The following SND1 variants were observed in gnomAD, a reference collection of about 807,000 sequenced individuals.
SND1 encodes the protein staphylococcal nuclease and tudor domain containing 1.
SND1 carries 38 observed loss-of-function variants against 121.7 expected under a neutral mutation model. The observed-to-expected ratio is 0.31, with a 90% confidence interval of 0.24 to 0.41. The LOEUF (loss-of-function observed/expected upper bound fraction) is 0.41. Among genes scored for constraint, SND1 ranks in the 10% least tolerant of loss-of-function variants. The pLI, the probability that SND1 is intolerant of heterozygous loss-of-function variation, is 1.00. For synonymous variants in SND1, 401 were observed against 447.4 expected, an observed-to-expected ratio of 0.90 and a Z score of 1.31; for missense variants, 868 against 1,184.6, an observed-to-expected ratio of 0.73 and a Z score of 3.92.
intron 2 of SND1, among the ~76,000 whole-genome samples, chr7:127,693,576 C>A (rs1463809953): frequency 6.6e-6 from 1 of 152,164 alleles, no homozygotes. Context: ...TGGGTGACTT[C>A]ATGGAATAAT....
chr7:127,846,966 T>C (rs1799075444), intron 12 of SND1, among the ~76,000 whole-genome samples: 1 of 152,112 alleles, frequency 6.6e-6, no homozygotes, highest in Admixed American at 6.5e-5. Flanking sequence ...TTCTGAATTT[T>C]CTATATTTTA....
intron 16 of SND1, among the ~76,000 whole-genome samples, chr7:128,033,271 AC>A (rs1055685878): frequency 6.6e-5 from 10 of 151,156 alleles, no homozygotes; most frequent in African/African-American, 2.0e-4. Flanking sequence ...GCTTTTTCCC[AC>A]CCCCCTGAAA....
In SND1 at chr7:127,664,811, G is replaced by A. The variant is rs189513681; in HGVS notation, c.78+12360G>A. 1.0e-3 allele frequency among the ~76,000 whole-genome samples: 153 copies of A among 152,280 alleles called. 1 individual carries two copies. The highest frequency in any genetic ancestry group is 2.0e-3 in the Non-Finnish European group (133 of 68,022). On this transcript the variant is annotated intron_variant, in intron 1 of 23. Transcript: ENST00000354725. ...GACAGTGTCTGAATTGAATTGAATTGTAGAACACCCAGTTGGTGTCTGCAG... is the reference window on the plus strand; with the variant it reads ...GACAGTGTCTGAATTGAATTGAATTATAGAACACCCAGTTGGTGTCTGCAG...
chr7:127,871,611 G>A (rs1445512744), intron 12 of SND1, among the ~76,000 whole-genome samples: 1 of 152,166 alleles, frequency 6.6e-6, no homozygotes, highest in Non-Finnish European at 1.5e-5. Context: ...TCAGTGATAA[G>A]TTGCAGAAAA....
rs368378529 is a variant in SND1 at position 128,092,459 on chromosome 7, C to T, written c.*401C>T. 9 of 216,140 alleles carry T rather than the reference C, an allele frequency of 4.2e-5. No homozygotes were observed. In the South Asian group the frequency reaches 1.1e-3, roughly 26 times the overall value. 13.4% of individuals were successfully genotyped at this position (216,140 alleles called of 1,614,324 possible). ...CCCAGACTGCCCTCGTCCCAGCTCTCTGTCCAACTGTTGATTATGTGATTT... is the reference window on the plus strand; with the variant it reads ...CCCAGACTGCCCTCGTCCCAGCTCTTTGTCCAACTGTTGATTATGTGATTT... On this transcript the variant is annotated 3_prime_UTR_variant, in exon 24 of 24. Coordinates refer to ENST00000354725, the MANE Select transcript of SND1 (RefSeq NM_014390.4). The surrounding 1 kb of genome is among the most constrained non-coding windows in gnomAD (Gnocchi z 4.9).
intron 10 of SND1, among the ~76,000 whole-genome samples, chr7:127,762,190 G>T (rs1797316966): frequency 6.6e-6 from 1 of 152,152 alleles, no homozygotes; most frequent in South Asian, 2.1e-4. Context: ...AATGTCCTCA[G>T]GGCTCAGATT....
intron 16 of SND1, among the ~76,000 whole-genome samples, chr7:128,034,011 C>T (rs1022635419): frequency 1.3e-5 from 2 of 152,188 alleles, no homozygotes; most frequent in Non-Finnish European, 2.9e-5. Flanking sequence ...CCACACTTGT[C>T]TCCATTTCAC....
chr7:127,800,871 A>G (rs1247281492), intron 10 of SND1, among the ~76,000 whole-genome samples: 2 of 152,190 alleles, frequency 1.3e-5, no homozygotes, highest in East Asian at 1.9e-4. Flanking sequence ...ACATAGCTCT[A>G]TGAATAATAT....
intron 2 of SND1, among the ~76,000 whole-genome samples, chr7:127,690,792 A>G (rs1240249885): frequency 2.0e-5 from 3 of 152,210 alleles, no homozygotes; most frequent in Non-Finnish European, 2.9e-5. Context: ...TCTTTGGAGC[A>G]TGTTTAGCTT....
At chr7:127,810,254 TG>T (rs1798311142) in intron 11 of SND1, among the ~76,000 whole-genome samples, 1 of 152,200 alleles carries the variant, frequency 6.6e-6, no homozygotes, top group African/African-American at 2.4e-5. Context: ...TTTAATTAGA[TG>T]TGCATGAGGG....
At chr7:127,819,698 G>A (rs1240203447) in intron 11 of SND1, among the ~76,000 whole-genome samples, 1 of 152,154 alleles carries the variant, frequency 6.6e-6, no homozygotes, top group Non-Finnish European at 1.5e-5. Context: ...GGAACCAGCA[G>A]GCCACCTCTG....
At chr7:127,862,227 T>C (rs1212649549) in intron 12 of SND1, among the ~76,000 whole-genome samples, 1 of 152,204 alleles carries the variant, frequency 6.6e-6, no homozygotes, top group African/African-American at 2.4e-5. Flanking sequence ...CTTTTCTAAA[T>C]CAAATTTATT....
chr7:127,699,536 A>T (rs971544693), intron 4 of SND1, among the ~76,000 whole-genome samples: 10 of 152,166 alleles, frequency 6.6e-5, no homozygotes, highest in African/African-American at 2.2e-4. Context: ...AAGTCTTTCA[A>T]GTCTGTGTTG....
intron 1 of SND1, among the ~76,000 whole-genome samples, chr7:127,662,798 A>G (rs1250715494): frequency 6.6e-6 from 1 of 151,958 alleles, no homozygotes; most frequent in Non-Finnish European, 1.5e-5. Context: ...TGGTTCCAAG[A>G]CTTCCCCAAC....
chr7:128,027,140 GT>G (rs1159016674), intron 16 of SND1: 3 of 152,500 alleles, frequency 2.0e-5, no homozygotes, highest in African/African-American at 7.2e-5. Flanking sequence ...GTGTTCTTTT[GT>G]TGGCAATTCC....
chr7:127,838,187 C>T (rs1798900962), intron 11 of SND1, among the ~76,000 whole-genome samples: 1 of 152,028 alleles, frequency 6.6e-6, no homozygotes, highest in Non-Finnish European at 1.5e-5. Context: ...GAGCAGGTGA[C>T]CAGGGGAACA....
chr7:128,023,020 TC>T (rs1803393404), intron 16 of SND1, among the ~76,000 whole-genome samples: 1 of 152,162 alleles, frequency 6.6e-6, no homozygotes, highest in South Asian at 2.1e-4. Flanking sequence ...GCTTTTCTTC[TC>T]CTCTGTTTCA....
chr7:127,769,632 C>T (rs1054440881), intron 10 of SND1, among the ~76,000 whole-genome samples: 5 of 151,350 alleles, frequency 3.3e-5, no homozygotes, highest in Admixed American at 1.3e-4. Flanking sequence ...TGGGCTTCTT[C>T]GAAATTTCTT....
At chr7:127,950,710 G>A (rs945642803) in intron 15 of SND1, among the ~76,000 whole-genome samples, 4 of 152,104 alleles carry the variant, frequency 2.6e-5, no homozygotes, top group Admixed American at 2.6e-4. Context: ...ATACTAGGCT[G>A]GTCTGTCATT....
Sources: allele counts gnomAD v4.1 joint callset (sites outside exome capture counted in the v4.1 genomes callset), GRCh38; gene constraint gnomAD v4.1.1; non-coding constraint Gnocchi (gnomAD v3.1); transcripts MANE v1.5; gene names NCBI Gene and HGNC (gene_info 2026-07-23, HGNC 2026-07-21).